The following RSPH1 variants were observed in gnomAD, a reference collection of about 807,000 sequenced individuals.
RSPH1 encodes the protein radial spoke head 1 homolog.
A neutral mutation model predicts 44.2 loss-of-function variants in RSPH1; 32 were observed. The observed-to-expected ratio is 0.72, with a 90% confidence interval of 0.55 to 0.97. RSPH1 has a LOEUF of 0.97. RSPH1 is among the 50% of genes least tolerant of loss of function. RSPH1 has a pLI of 0.00. For synonymous variants in RSPH1, 134 were observed against 147.3 expected (o/e 0.91, Z 0.65); for missense variants, 391 against 398.7 (o/e 0.98, Z 0.16).
chr21:42,485,883 A>T, intron 4 of RSPH1, 79 bp from the exon 5 acceptor site: 1 of 1,573,806 alleles, frequency 6.4e-7, no homozygotes, highest in Non-Finnish European at 8.7e-7. Flanking sequence ...AGACATTGAC[A>T]TTGAGGGAGG....
In RSPH1 at chr21:42,493,064, G is replaced by C. The variant is rs763212999; in HGVS notation, c.70C>G (p.Arg24Gly). 6.2e-7 allele frequency: 1 copy of C among 1,613,666 alleles called. No individual in the cohort carries two copies. Among genetic ancestry groups the C allele is most frequent in the Non-Finnish European group, 8.5e-7 (1 of 1,179,814 alleles). Residue 24 changes from arginine (R) to glycine (G), a missense_variant, in exon 2 of 9, where the codon CGG becomes GGG. By Grantham distance (125) the Arg-to-Gly change is moderately radical. Transcript: ENST00000291536. The part of the protein sequence containing the change: ...ENDIGEYEGG[R>G]NEAGERHGRG... ...CCGTGCCTTTCGCCTGCCTCATTCC[G>C]ACCCCCCTCATATTCCTGGGTAATG...
In RSPH1 at chr21:42,489,080, A is replaced by ATTGG. The variant is rs1471859228; in HGVS notation, c.275-2623_275-2620dup. Among the ~76,000 whole-genome samples, 5 of 123,146 alleles carry ATTGG rather than the reference A, an allele frequency of 4.1e-5. No homozygotes were observed. The East Asian group carries it at 7.1e-4, about 17-fold the overall frequency. The allele number at this position is 123,146 out of a possible 152,430, so 80.8% of individuals were successfully genotyped here. ...GGCTGGTTGGTTAGTTGGCTAACCG[A>ATTGG]TTGGTTGGTTGGTTGGTTGGCTGGC... is the stretch of plus-strand genomic sequence containing the variant. On this transcript the variant is annotated intron_variant, in intron 3 of 8. Coordinates refer to ENST00000291536, the MANE Select transcript of RSPH1 (RefSeq NM_080860.4).
chr21:42,472,793 C>G lies in RSPH1; in HGVS notation c.*25G>C, dbSNP rs368108602. On this transcript the variant is annotated 3_prime_UTR_variant, in exon 9 of 9. Transcript: ENST00000291536. ...TAACGACAGAAGCATTCTTATGATA[C>G]GATCTCCTCTCGGCTCACTTCATCT... The G allele has an allele frequency of 1.9e-6, 3 of 1,577,184 alleles. No individual in the cohort carries two copies. The highest frequency in any genetic ancestry group is 2.6e-6 in the Non-Finnish European group (3 of 1,148,386).
chr21:42,476,030 C>A lies in RSPH1; in HGVS notation c.745G>T (p.Glu249Ter). 6.2e-7 allele frequency: 1 copy of A among 1,613,672 alleles called. No individual in the cohort carries two copies. Among genetic ancestry groups the A allele is most frequent in the Non-Finnish European group, 8.5e-7 (1 of 1,179,898 alleles). The stretch of plus-strand genomic sequence containing the variant: ...CCCTCCAGCAGAGCCTGGGCCTCCT[C>A]CCCGGGTTCTCCTGCACCTGAGATA... ...PGAESAGEPG[E>*]EAQALLEGFE... The change falls in exon 8 of 9, where the codon GAG becomes TAG. Residue 249 changes from glutamate to a stop codon, truncating the protein, a stop_gained. Coordinates refer to ENST00000291536, the MANE Select transcript of RSPH1 (RefSeq NM_080860.4). LOFTEE classifies it high-confidence loss of function.
At chr21:42,481,636 C>T (rs1396328167) in intron 6 of RSPH1, among the ~76,000 whole-genome samples, 1 of 152,202 alleles carries the variant, frequency 6.6e-6, no homozygotes, top group African/African-American at 2.4e-5. Flanking sequence ...CTCCTTAAAA[C>T]TCAAAACTTC....
At chr21:42,476,708 C>A (rs908231200) in intron 7 of RSPH1, among the ~76,000 whole-genome samples, 6 of 152,208 alleles carry the variant, frequency 3.9e-5, no homozygotes, top group South Asian at 2.1e-4. Context: ...GGATAAGGGT[C>A]CCCGAGACGC....
intron 6 of RSPH1, among the ~76,000 whole-genome samples, chr21:42,480,352 G>A (rs1341817229): frequency 6.6e-6 from 1 of 152,106 alleles, no homozygotes; most frequent in Non-Finnish European, 1.5e-5. Context: ...TTAAAAAACT[G>A]TCTGGAGGGC....
intron 5 of RSPH1, chr21:42,485,152 C>G (rs1243521600): frequency 1.3e-5 from 2 of 152,866 alleles, no homozygotes; most frequent in African/African-American, 4.8e-5. Context: ...GTGCTAGAAG[C>G]TGGCAAGCCT....
At chr21:42,488,282 G>C (rs2054199856) in intron 3 of RSPH1, among the ~76,000 whole-genome samples, 1 of 152,170 alleles carries the variant, frequency 6.6e-6, no homozygotes, top group Admixed American at 6.5e-5. Context: ...GATTTGTCTG[G>C]GTCTTAAGGG....
intron 6 of RSPH1, among the ~76,000 whole-genome samples, chr21:42,478,449 C>A (rs923700173): frequency 1.3e-5 from 2 of 152,208 alleles, no homozygotes; most frequent in Non-Finnish European, 2.9e-5. Context: ...CTAGCCCCAC[C>A]CCCAGAGTTT....
intron 3 of RSPH1, among the ~76,000 whole-genome samples, chr21:42,492,392 T>C (rs1161049530): frequency 6.6e-6 from 1 of 152,210 alleles, no homozygotes; most frequent in African/African-American, 2.4e-5. Context: ...GCGGGGTTGG[T>C]CAGAAATGGA....
At chr21:42,475,673 G>A (rs1168690530) in intron 8 of RSPH1, among the ~76,000 whole-genome samples, 2 of 140,648 alleles carry the variant, frequency 1.4e-5, no homozygotes, top group Non-Finnish European at 3.1e-5. Flanking sequence ...CATGGGCACC[G>A]CTGCACACCC....
rs2054027492 is a variant in RSPH1, at chr21:42,474,800, G to A, written c.877+1098C>T. On this transcript the variant is annotated intron_variant, in intron 8 of 8. Coordinates refer to ENST00000291536, the MANE Select transcript of RSPH1 (RefSeq NM_080860.4). This position sits in a 1 kb window ranked among gnomAD's most constrained non-coding sequence, Gnocchi z 5.2. The stretch of plus-strand genomic sequence containing the variant: ...GGAATTACCGATCACGAAAGTCTAT[G>A]CCAGCGCTCAGGGGAATTACCGATC... Among the ~76,000 whole-genome samples, 1 of 148,054 alleles carries A rather than the reference G, an allele frequency of 6.8e-6. No homozygotes were observed. The highest frequency in any genetic ancestry group is 6.7e-5 in the Admixed American group (1 of 15,016).
chr21:42,492,453 G>T (rs553398969), intron 3 of RSPH1, among the ~76,000 whole-genome samples: 1 of 152,238 alleles, frequency 6.6e-6, no homozygotes, highest in African/African-American at 2.4e-5. Context: ...AGCTGAAGCC[G>T]TGGGTCCACC....
At chr21:42,484,129 T>C (rs1481397393) in intron 5 of RSPH1, among the ~76,000 whole-genome samples, 1 of 152,234 alleles carries the variant, frequency 6.6e-6, no homozygotes, top group East Asian at 1.9e-4. Context: ...TGTGACAAGA[T>C]GTTTGACCTC....
At chr21:42,496,058 A>C (rs1601640268) in intron 1 of RSPH1, 75 bp downstream of exon 1, 3 of 1,555,226 alleles carry the variant, frequency 1.9e-6, no homozygotes, top group Non-Finnish European at 2.7e-6. Flanking sequence ...GCGCCTCCTC[A>C]CTCTCCAAAC....
At chr21:42,486,126 G>A (rs1241645863) in intron 4 of RSPH1, 4 of 572,818 alleles carry the variant, frequency 7.0e-6, no homozygotes, top group Non-Finnish European at 1.2e-5. Context: ...TCCACTCCCT[G>A]GGACTCTTGG....
At chr21:42,490,145 C>A (rs2054222130) in intron 3 of RSPH1, among the ~76,000 whole-genome samples, 1 of 151,974 alleles carries the variant, frequency 6.6e-6, no homozygotes, top group African/African-American at 2.4e-5. Context: ...CCCCACTACC[C>A]CTAAAAACCT....
rs1249504992 is a variant in RSPH1 at position 42,472,883 on chromosome 21, G to A, written c.878-13C>T. The A allele has an allele frequency of 1.9e-6, 3 of 1,568,950 alleles. No individual in the cohort carries two copies. The highest frequency in any genetic ancestry group is 2.6e-6 in the Non-Finnish European group (3 of 1,139,608). ...GAATTAATGTTTCCTGAAAAGAAAAGAGAAACATGAGTATATCTCATATTT... is the reference window on the plus strand; with the variant it reads ...GAATTAATGTTTCCTGAAAAGAAAAAAGAAACATGAGTATATCTCATATTT... On this transcript the variant is annotated splice_polypyrimidine_tract_variant and intron_variant, in intron 8 of 8. Transcript: ENST00000291536.
Sources: gnomAD v4.1 joint callset for allele counts (sites outside exome capture counted in the v4.1 genomes callset) on GRCh38, gnomAD v4.1.1 for gene constraint, Gnocchi (gnomAD v3.1) non-coding constraint, MANE v1.5 for transcripts, NCBI Gene and HGNC (gene_info 2026-07-23, HGNC 2026-07-21) for gene names.